The following SATB2 variants were observed in gnomAD, a reference collection of about 807,000 sequenced individuals.
SATB2 encodes the protein DNA-binding protein SATB2.
Under a neutral mutation model 73.4 loss-of-function variants are expected in SATB2, and 1 was observed. The ratio of observed to expected loss-of-function variants is 0.01; its 90% CI spans 0.00 to 0.06. The LOEUF is 0.06. Among genes scored for constraint, SATB2 ranks in the 10% least tolerant of loss-of-function variants. The pLI is 1.00. For synonymous variants in SATB2, 397 were observed against 367.0 expected, an observed-to-expected ratio of 1.08 and a Z score of -0.93; for missense variants, 459 against 945.8, an observed-to-expected ratio of 0.49 and a Z score of 6.75.
chr2:199,456,108 G>A lies in SATB2; in HGVS notation c.-59-12C>T. 1.7e-6 allele frequency: 2 copies of A among 1,144,780 alleles called. No homozygotes were observed. The highest frequency in any genetic ancestry group is 2.5e-6 in the Non-Finnish European group (2 of 794,758). The allele number at this position is 1,144,780 out of a possible 1,614,324, so 70.9% of individuals were successfully genotyped here. On this transcript the variant is annotated splice_polypyrimidine_tract_variant and intron_variant, in intron 1 of 10. Coordinates refer to ENST00000417098, the MANE Select transcript of SATB2 (RefSeq NM_001172509.2). ...AAACGCACAGGGACCTAGGGAGGGG[G>A]TGGGGGGAGGAAGGGGGAGGGAGAA...
intron 3 of SATB2, among the ~76,000 whole-genome samples, chr2:199,398,244 T>C (rs1290261260): frequency 6.6e-6 from 1 of 151,954 alleles, no homozygotes; most frequent in African/African-American, 2.4e-5. Context: ...ACTACTGCAG[T>C]AGAAAGAAAA....
At chr2:199,374,850 G>C (rs544289294) in intron 5 of SATB2, among the ~76,000 whole-genome samples, 32 of 152,162 alleles carry the variant, frequency 2.1e-4, no homozygotes, top group African/African-American at 6.0e-4. Flanking sequence ...TGTAATGCCA[G>C]CTACTTGGGA....
intron 5 of SATB2, chr2:199,369,073 T>C (rs894534409): frequency 1.0e-5 from 2 of 199,344 alleles, no homozygotes; most frequent in Non-Finnish European, 2.1e-5. Flanking sequence ...TCTGTTCCGC[T>C]TCCAACTGCA....
chr2:199,401,755 A>C (rs1249554958), intron 3 of SATB2, among the ~76,000 whole-genome samples: 1 of 152,114 alleles, frequency 6.6e-6, no homozygotes, highest in African/African-American at 2.4e-5. Context: ...AAATTCAAAG[A>C]GGCTGGCAGT....
At chr2:199,324,067 C>T in intron 8 of SATB2, 109 bp from the exon 9 acceptor site, 2 of 1,100,098 alleles carry the variant, frequency 1.8e-6, no homozygotes, top group Admixed American at 1.7e-5. Flanking sequence ...ACTGCATTAG[C>T]TACAGAGGGA....
chr2:199,313,874 T>C (rs1186935448), intron 9 of SATB2, among the ~76,000 whole-genome samples: 2 of 152,176 alleles, frequency 1.3e-5, no homozygotes, highest in Non-Finnish European at 2.9e-5. Context: ...TCCATTTTTC[T>C]TTCATGACCT....
At chr2:199,275,484 T>C (rs1434608303) in intron 10 of SATB2, among the ~76,000 whole-genome samples, 2 of 22,984 alleles carry the variant, frequency 8.7e-5, no homozygotes, top group Non-Finnish European at 3.6e-3. Context: ...AAGGTGCTAT[T>C]TGGATTCAAG....
intron 3 of SATB2, among the ~76,000 whole-genome samples, chr2:199,428,254 T>C (rs531335156): frequency 6.6e-6 from 1 of 152,340 alleles, no homozygotes; most frequent in East Asian, 1.9e-4. Flanking sequence ...GACAATTCCA[T>C]GAGGTTTGGC....
chr2:199,318,026 T>C (rs1338403702), intron 9 of SATB2, among the ~76,000 whole-genome samples: 3 of 152,156 alleles, frequency 2.0e-5, no homozygotes, highest in East Asian at 1.9e-4. Flanking sequence ...TGGTCCATGA[T>C]AGGCTCTCAG....
Position 199,272,537 on chromosome 2 carries a change from G to T in SATB2, c.1876C>A (p.Leu626Met). 6.2e-7 allele frequency: 1 copy of T among 1,614,142 alleles called. No individual in the cohort carries two copies. ...TGAATAAAGCTTTGGAGGATCCCCA[G>T]GGCTTCTAAGGAGATCTTTGTGCGA... Reference protein sequence around the residue: ...RSRTKISLEALGILQSFIHDV... With the variant: ...RSRTKISLEAMGILQSFIHDV... Residue 626 changes from leucine to methionine, a missense_variant, in exon 11 of 11, where the codon CTG (leucine) becomes ATG (methionine). Physicochemically the swap from Leu to Met is conservative, Grantham distance 15. Transcript: ENST00000417098. This position sits in a 1 kb window ranked among gnomAD's most constrained non-coding sequence, Gnocchi z 6.7.
intron 3 of SATB2, among the ~76,000 whole-genome samples, chr2:199,390,914 C>A (rs1476206678): frequency 5.9e-5 from 9 of 152,226 alleles, no homozygotes. Flanking sequence ...AATACCTAAT[C>A]TTAGGGGCAA....
At chr2:199,355,309 T>C (rs932898251) in intron 6 of SATB2, among the ~76,000 whole-genome samples, 7 of 147,020 alleles carry the variant, frequency 4.8e-5, no homozygotes, top group African/African-American at 1.6e-4. Context: ...CAAGGATGTA[T>C]GTATATACAT....
At chr2:199,378,838 A>C (rs1689679064) in intron 5 of SATB2, among the ~76,000 whole-genome samples, 1 of 152,216 alleles carries the variant, frequency 6.6e-6, no homozygotes, top group Admixed American at 6.5e-5. Flanking sequence ...CAGTTTTACT[A>C]ACCAAACAAG....
intron 6 of SATB2, among the ~76,000 whole-genome samples, chr2:199,363,599 T>G (rs770019503): frequency 1.2e-4 from 18 of 152,236 alleles, no homozygotes; most frequent in Non-Finnish European, 2.4e-4. Flanking sequence ...AGCTAATAAT[T>G]GAGTACTGTG....
In SATB2 at chr2:199,397,101, T is replaced by C. The variant is rs1481304319; in HGVS notation, c.347-15281A>G. 3.3e-5 allele frequency: 5 copies of C among 152,180 alleles called. No individual in the cohort carries two copies. In the East Asian group the frequency reaches 7.7e-4, roughly 23 times the overall value. The allele number at this position is 152,180 out of a possible 1,614,324, so 9.4% of individuals were successfully genotyped here. On this transcript the variant is annotated intron_variant, in intron 3 of 10. Transcript: ENST00000417098. ...AAAAAAAAAAAGTCATGTACTTTCA[T>C]AGATATTCACAATCCTCTCTAGTAT...
chr2:199,339,922 T>C (rs1418388940), intron 7 of SATB2, among the ~76,000 whole-genome samples: 1 of 152,200 alleles, frequency 6.6e-6, no homozygotes, highest in South Asian at 2.1e-4. Flanking sequence ...TATTGCTACA[T>C]ATCACTTCCT....
intron 3 of SATB2, among the ~76,000 whole-genome samples, chr2:199,421,315 G>C (rs557645389): frequency 6.6e-6 from 1 of 152,118 alleles, no homozygotes; most frequent in Non-Finnish European, 1.5e-5. Context: ...CAGGACCTGA[G>C]GTCCCATAGA....
At chr2:199,294,802 A>G (rs553914479) in intron 10 of SATB2, among the ~76,000 whole-genome samples, 3 of 152,198 alleles carry the variant, frequency 2.0e-5, no homozygotes, top group Non-Finnish European at 4.4e-5. Context: ...GCTCATTTTG[A>G]TCATAACAGA....
intron 4 of SATB2, 147 bp downstream of exon 4, chr2:199,381,544 CCTT>C: frequency 9.0e-7 from 1 of 1,114,846 alleles, no homozygotes; most frequent in Non-Finnish European, 1.3e-6. Flanking sequence ...CCACCCTTCT[CCTT>C]CTCTCCTTCT....
Sources: allele counts gnomAD v4.1 joint callset (sites outside exome capture counted in the v4.1 genomes callset), GRCh38; gene constraint gnomAD v4.1.1; non-coding constraint Gnocchi (gnomAD v3.1); transcripts MANE v1.5; gene names NCBI Gene and HGNC (gene_info 2026-07-23, HGNC 2026-07-21).